The following PDE1C variants were observed in gnomAD, a reference collection of about 807,000 sequenced individuals.
PDE1C encodes the protein phosphodiesterase 1C, also known as dual specificity calcium/calmodulin-dependent 3',5'-cyclic nucleotide phosphodiesterase 1C.
PDE1C carries 62 observed loss-of-function variants against 93.1 expected under a neutral mutation model. The observed-to-expected ratio is 0.67, with a 90% CI of 0.54 to 0.82. The LOEUF (loss-of-function observed/expected upper bound fraction) is 0.82, where lower values mean the gene tolerates loss of function less well. Among genes scored for constraint, PDE1C ranks in the 40% least tolerant of loss-of-function variants. The pLI, the probability that PDE1C is intolerant of heterozygous loss-of-function variation, is 0.00. For synonymous variants in PDE1C, 325 were observed against 310.1 expected, an observed-to-expected ratio of 1.05 and a Z score of -0.50; for missense variants, 742 against 884.6, an observed-to-expected ratio of 0.84 and a Z score of 2.04.
chr7:32,124,195 G>A (rs570838737), intron 3 of PDE1C, among the ~76,000 whole-genome samples: 9 of 151,924 alleles, frequency 5.9e-5, no homozygotes, highest in Non-Finnish European at 1.2e-4. Flanking sequence ...ACTGCTCAAG[G>A]AAATGAGAGG....
At chr7:31,970,368 A>G (rs548016229) in intron 2 of PDE1C, among the ~76,000 whole-genome samples, 1 of 152,342 alleles carries the variant, frequency 6.6e-6, no homozygotes, top group South Asian at 2.1e-4. Flanking sequence ...AATAGTGAAA[A>G]CAACCAACAA....
At chr7:31,899,037 G>A (rs1309147697) in intron 2 of PDE1C, among the ~76,000 whole-genome samples, 2 of 151,570 alleles carry the variant, frequency 1.3e-5, no homozygotes, top group Non-Finnish European at 2.9e-5. Context: ...TCTGTCTGAA[G>A]CGCTCCATAA....
intron 8 of PDE1C, among the ~76,000 whole-genome samples, chr7:31,849,614 A>C (rs192563789): frequency 2.6e-5 from 4 of 152,298 alleles, no homozygotes; most frequent in Admixed American, 2.6e-4. Flanking sequence ...GATTGATTTA[A>C]TGAACACAAA....
At chr7:32,216,045 T>G (rs918530486) in intron 1 of PDE1C, among the ~76,000 whole-genome samples, 2 of 152,210 alleles carry the variant, frequency 1.3e-5, no homozygotes, top group African/African-American at 4.8e-5. Flanking sequence ...GGAATGAGGT[T>G]CCAGGCACTT....
In PDE1C at chr7:32,178,574, C is replaced by G. The variant is rs908261109; in HGVS notation, c.137-8618G>C. On this transcript the variant is annotated intron_variant, in intron 2 of 18. Coordinates refer to the PDE1C transcript ENST00000396193. ...TGAGGGAAATCTTAGGTAAACTAAGCCTTCAGGGCACCAAAAATAATGCAG... is the reference window on the plus strand; with the variant it reads ...TGAGGGAAATCTTAGGTAAACTAAGGCTTCAGGGCACCAAAAATAATGCAG... Among the ~76,000 whole-genome samples, 4 of 152,276 alleles carry G rather than the reference C, an allele frequency of 2.6e-5. No homozygotes were observed. In the East Asian group the frequency reaches 7.7e-4, roughly 29 times the overall value.
intron 2 of PDE1C, among the ~76,000 whole-genome samples, chr7:32,029,428 G>GT (rs1789964311): frequency 6.6e-6 from 1 of 152,126 alleles, no homozygotes; most frequent in African/African-American, 2.4e-5. Flanking sequence ...CAATAGCCAA[G>GT]TTACGGAATC....
intron 1 of PDE1C, among the ~76,000 whole-genome samples, chr7:32,277,781 AT>A (rs1811374699): frequency 6.6e-6 from 1 of 152,216 alleles, no homozygotes; most frequent in South Asian, 2.1e-4. Context: ...GAAACCACAA[AT>A]TCTAGAAAAT....
chr7:32,264,854 C>A (rs1407409599), intron 1 of PDE1C, among the ~76,000 whole-genome samples: 1 of 152,214 alleles, frequency 6.6e-6, no homozygotes, highest in African/African-American at 2.4e-5. Flanking sequence ...GCCTCTTGCA[C>A]TTCTCCTTTC....
chr7:32,237,118 G>A (rs561398720), intron 1 of PDE1C, among the ~76,000 whole-genome samples: 23 of 134,780 alleles, frequency 1.7e-4, no homozygotes, highest in Non-Finnish European at 2.6e-4. Flanking sequence ...ATGGAGTCTC[G>A]CTCTGTCGCC....
At chr7:32,076,530 C>A (rs1325283477) in intron 3 of PDE1C, among the ~76,000 whole-genome samples, 1 of 151,358 alleles carries the variant, frequency 6.6e-6, no homozygotes, top group African/African-American at 2.4e-5. Flanking sequence ...GTAATCCCAG[C>A]TGCTCAGAAG....
chr7:31,651,954 A>G, the PDE1C span: 1 of 1,598,516 alleles, frequency 6.3e-7, no homozygotes, highest in Non-Finnish European at 8.5e-7. Flanking sequence ...AGGCCGAGCA[A>G]CTGCAAACGT....
chr7:31,658,614 G>C, the PDE1C span: 2 of 275,882 alleles, frequency 7.2e-6, no homozygotes. Flanking sequence ...GTTATTAAAA[G>C]CCTTGTTAAA....
At chr7:32,215,815 T>C (rs1380524508) in intron 1 of PDE1C, among the ~76,000 whole-genome samples, 1 of 152,192 alleles carries the variant, frequency 6.6e-6, no homozygotes, top group Non-Finnish European at 1.5e-5. Context: ...TGGGTGAGCA[T>C]AAACACAGCT....
chr7:31,657,838 G>A, the PDE1C span, among the ~76,000 whole-genome samples: 116,012 of 152,044 alleles, frequency 0.76, 44,328 homozygotes, highest in East Asian at 0.82. Context: ...GTTTAGAGTC[G>A]TCTCATTTAA....
At chr7:31,725,446 A>G in the PDE1C span, among the ~76,000 whole-genome samples, 2 of 152,190 alleles carry the variant, frequency 1.3e-5, no homozygotes, top group Non-Finnish European at 2.9e-5. Flanking sequence ...GGCATTTCTT[A>G]CCAAAAGGAG....
rs1023165051 is a variant in PDE1C, at chr7:31,889,109, A to C, written c.129-8249T>G. Among the ~76,000 whole-genome samples the C allele has an allele frequency of 3.9e-5, 6 of 152,362 alleles. No homozygotes were observed. In the South Asian group the frequency reaches 1.2e-3, roughly 32 times the overall value. On this transcript the variant is annotated intron_variant, in intron 2 of 17. Transcript: ENST00000396191. ...TAAATTCACCTGTAGATTAAATTACAAACAAATTCACCACAAGTCATTTGG... is the reference window on the plus strand; with the variant it reads ...TAAATTCACCTGTAGATTAAATTACCAACAAATTCACCACAAGTCATTTGG...
At chr7:32,211,466 C>T (rs1416806426) in intron 1 of PDE1C, among the ~76,000 whole-genome samples, 1 of 152,126 alleles carries the variant, frequency 6.6e-6, no homozygotes, top group Non-Finnish European at 1.5e-5. Context: ...TTAACCACAA[C>T]TGCATATCCT....
chr7:32,289,324 C>CT (rs1396053540), intron 1 of PDE1C, among the ~76,000 whole-genome samples: 1 of 152,160 alleles, frequency 6.6e-6, no homozygotes, highest in Non-Finnish European at 1.5e-5. Flanking sequence ...GCAGGGGGAT[C>CT]GCTTGAGCCC....
At chr7:32,016,699 T>C (rs1787953466) in intron 2 of PDE1C, among the ~76,000 whole-genome samples, 1 of 152,126 alleles carries the variant, frequency 6.6e-6, no homozygotes, top group South Asian at 2.1e-4. Context: ...GCTTTAGATA[T>C]AGAAGGAAGG....
Sources: allele counts gnomAD v4.1 joint callset (sites outside exome capture counted in the v4.1 genomes callset), GRCh38; gene constraint gnomAD v4.1.1; transcripts MANE v1.5; gene names NCBI Gene and HGNC (gene_info 2026-07-23, HGNC 2026-07-21).